Variants in UGT1A3 observed in about 807,000 individuals in gnomAD.
The protein encoded by UGT1A3 is UDP glucuronosyltransferase family 1 member A3, also known as UDP-glucuronosyltransferase 1A3.
In UGT1A3, 31 loss-of-function variants were observed where a neutral mutation model predicts 41.0. The ratio of observed to expected loss-of-function variants is 0.76; its 90% CI spans 0.57 to 1.02. The LOEUF is 1.02. UGT1A3 is among the 50% of genes least tolerant of loss of function. The pLI is 0.00. For synonymous variants in UGT1A3, 262 were observed against 257.6 expected (o/e 1.02, Z -0.17); for missense variants, 737 against 671.0 (o/e 1.10, Z -1.09).
chr2:233,755,835 G>A (rs1438571974), intron 1 of UGT1A3: 4 of 152,284 alleles, frequency 2.6e-5, no homozygotes, highest in Non-Finnish European at 5.9e-5. Context: ...TATTCATTGG[G>A]CAATTTAAGA....
rs754549295 is a variant in UGT1A3, at chr2:233,768,434, C to A, written c.1302C>A (p.Asp434Glu). 1 of 1,613,634 alleles carries A rather than the reference C, an allele frequency of 6.2e-7. No individual in the cohort carries two copies. Among genetic ancestry groups the A allele is most frequent in the Non-Finnish European group, 8.5e-7 (1 of 1,179,838 alleles). Residue 434 changes from aspartate (D) to glutamate (E), a missense_variant, in exon 4 of 5, where the codon GAC becomes GAA. Coordinates refer to ENST00000482026, the MANE Select transcript of UGT1A3 (RefSeq NM_019093.4). ...LENALKAVIN[D>E]KSYKENIMRL... The stretch of plus-strand genomic sequence containing the variant: ...ATGCTCTAAAAGCAGTCATCAATGA[C>A]AAAAGGTAAGAAAGAAGATACAGAA...
intron 1 of UGT1A3, among the ~76,000 whole-genome samples, chr2:233,736,155 C>T (rs1455121257): frequency 4.6e-5 from 7 of 152,206 alleles, no homozygotes; most frequent in Admixed American, 6.5e-5. Context: ...ACCAGTCAAA[C>T]GTAGATTTGG....
At chr2:233,736,409 A>C (rs752558952) in intron 1 of UGT1A3, among the ~76,000 whole-genome samples, 1 of 152,180 alleles carries the variant, frequency 6.6e-6, no homozygotes, top group Non-Finnish European at 1.5e-5. Context: ...TTAGGCATTC[A>C]TCTAACCTTT....
At chr2:233,750,498 C>T (rs1361187436) in intron 1 of UGT1A3, 1 of 151,938 alleles carries the variant, frequency 6.6e-6, no homozygotes, top group Non-Finnish European at 1.5e-5. Flanking sequence ...TAAGGAGGAG[C>T]CAAATGTTAA....
At chr2:233,737,202 T>A (rs1346629064) in intron 1 of UGT1A3, among the ~76,000 whole-genome samples, 3 of 152,198 alleles carry the variant, frequency 2.0e-5, no homozygotes, top group Non-Finnish European at 4.4e-5. Flanking sequence ...TGAGCTGCGG[T>A]GGACTCTGTT....
intron 1 of UGT1A3, among the ~76,000 whole-genome samples, chr2:233,756,943 A>G (rs1162189517): frequency 6.6e-6 from 1 of 152,066 alleles, no homozygotes; most frequent in Non-Finnish European, 1.5e-5. Context: ...CATAACCTGA[A>G]ACCCGGACTT....
chr2:233,737,830 A>T (rs1690602817), intron 1 of UGT1A3, among the ~76,000 whole-genome samples: 1 of 152,126 alleles, frequency 6.6e-6, no homozygotes, highest in South Asian at 2.1e-4. Flanking sequence ...ACAAATTGGG[A>T]ACTGTGGCAC....
chr2:233,759,779 G>A (rs1697251285), intron 1 of UGT1A3, among the ~76,000 whole-genome samples: 1 of 152,188 alleles, frequency 6.6e-6, no homozygotes, highest in South Asian at 2.1e-4. Flanking sequence ...GTTGGACGAA[G>A]GAATGAAACA....
Position 233,772,785 on chromosome 2 carries a change from G to C in UGT1A3, c.*226G>C, listed in dbSNP as rs2126067599. ...GTGCCCCCTCTGGTGTCTTTGATCA[G>C]GATGACATGTGCCATTTTTCAGAGG... is the stretch of plus-strand genomic sequence containing the variant. On this transcript the variant is annotated 3_prime_UTR_variant, in exon 5 of 5. Transcript: ENST00000482026. 1 of 1,262,930 alleles carries C rather than the reference G, an allele frequency of 7.9e-7. No homozygotes were observed. The highest frequency in any genetic ancestry group is 1.0e-6 in the Non-Finnish European group (1 of 955,160). 78.2% of individuals were successfully genotyped at this position (1,262,930 alleles called of 1,614,324 possible).
At chr2:233,736,597 C>G (rs1162489027) in intron 1 of UGT1A3, among the ~76,000 whole-genome samples, 1 of 152,166 alleles carries the variant, frequency 6.6e-6, no homozygotes, top group African/African-American at 2.4e-5. Flanking sequence ...TGCTTATGCG[C>G]TATGGTTTTT....
intron 1 of UGT1A3, among the ~76,000 whole-genome samples, chr2:233,745,915 C>T (rs1264125490): frequency 5.3e-5 from 8 of 151,156 alleles, no homozygotes; most frequent in Admixed American, 5.3e-4. Flanking sequence ...GCAGCTGAGG[C>T]AGTGATTCAG....
intron 1 of UGT1A3, chr2:233,761,033 G>A (rs774774935): frequency 1.2e-6 from 2 of 1,614,186 alleles, no homozygotes; most frequent in Non-Finnish European, 1.7e-6. Context: ...GACCTATTGA[G>A]CTCTGCATCT....
intron 1 of UGT1A3, among the ~76,000 whole-genome samples, chr2:233,740,449 G>A (rs1478518118): frequency 1.3e-5 from 2 of 151,974 alleles, no homozygotes; most frequent in African/African-American, 4.9e-5. Flanking sequence ...AATCAGAGGA[G>A]AAGAAGATGA....
intron 1 of UGT1A3, chr2:233,750,470 T>A (rs1412262508): frequency 6.6e-6 from 1 of 151,972 alleles, no homozygotes; most frequent in Non-Finnish European, 1.5e-5. Context: ...AAATACTGGC[T>A]ATAGAAATTT....
intron 1 of UGT1A3, among the ~76,000 whole-genome samples, chr2:233,763,620 C>T (rs1442912826): frequency 6.6e-6 from 1 of 152,168 alleles, no homozygotes; most frequent in African/African-American, 2.4e-5. Flanking sequence ...ACTACCATTC[C>T]TCTTGTGTTG....
intron 1 of UGT1A3, among the ~76,000 whole-genome samples, chr2:233,746,084 A>T (rs555344502): frequency 1.2e-4 from 18 of 151,976 alleles, no homozygotes; most frequent in Admixed American, 1.2e-3. Context: ...AGTCACTTCT[A>T]TACAGAAACA....
chr2:233,731,781 A>G (rs2078203894), intron 1 of UGT1A3, among the ~76,000 whole-genome samples: 1 of 152,164 alleles, frequency 6.6e-6, no homozygotes, highest in Admixed American at 6.5e-5. Context: ...ATCATTTATA[A>G]TCGTTTGGGT....
chr2:233,765,616 G>A (rs1387784053), intron 1 of UGT1A3, among the ~76,000 whole-genome samples: 1 of 151,774 alleles, frequency 6.6e-6, no homozygotes, highest in Non-Finnish European at 1.5e-5. Flanking sequence ...CGGGGTGAGG[G>A]GTGAGGGGAG....
intron 1 of UGT1A3, among the ~76,000 whole-genome samples, chr2:233,761,486 A>C (rs1697783062): frequency 6.6e-6 from 1 of 152,228 alleles, no homozygotes; most frequent in South Asian, 2.1e-4. Flanking sequence ...TGAAGCCTGC[A>C]CCTTGCCCTG....
Sources: gnomAD v4.1 joint callset for allele counts (sites outside exome capture counted in the v4.1 genomes callset) on GRCh38, gnomAD v4.1.1 for gene constraint, MANE v1.5 for transcripts, NCBI Gene and HGNC (gene_info 2026-07-23, HGNC 2026-07-21) for gene names.